The following PPP2CB variants were observed in gnomAD, a reference collection of about 807,000 sequenced individuals.
PPP2CB encodes protein phosphatase 2 catalytic subunit beta.
Under a neutral mutation model 39.1 loss-of-function variants are expected in PPP2CB, and 18 were observed. The observed-to-expected ratio is 0.46, with a 90% CI of 0.32 to 0.68. PPP2CB has a LOEUF of 0.68. Among genes scored for constraint, PPP2CB ranks in the 30% least tolerant of loss-of-function variants. The pLI, the probability that PPP2CB is intolerant of heterozygous loss-of-function variation, is 0.04. For synonymous variants in PPP2CB, 129 were observed against 133.8 expected (o/e 0.96, Z 0.25); for missense variants, 226 against 396.9 (o/e 0.57, Z 3.66).
chr8:30,797,266 C>A (rs1451690599), intron 3 of PPP2CB, among the ~76,000 whole-genome samples: 2 of 152,224 alleles, frequency 1.3e-5, no homozygotes, highest in Non-Finnish European at 2.9e-5. Context: ...TAAATAACAT[C>A]TTGCTTTGCT....
At chr8:30,796,993 G>A (rs551989080) in intron 3 of PPP2CB, among the ~76,000 whole-genome samples, 7 of 151,908 alleles carry the variant, frequency 4.6e-5, no homozygotes, top group Admixed American at 2.6e-4. Context: ...ACAAGCACGC[G>A]CCACTATGCC....
rs776279124 is a variant in PPP2CB at position 30,793,900 on chromosome 8, G to A, written c.738+17C>T. On this transcript the variant is annotated intron_variant, in intron 5 of 6. Transcript: ENST00000221138. ...ACTAATCTGAAATAAAGATCATTCT[G>A]TCAGGAAAGTACATACCTCCATTAC... is the stretch of plus-strand genomic sequence containing the variant. The A allele has an allele frequency of 1.9e-6, 3 of 1,598,688 alleles. No homozygotes were observed. The highest frequency in any genetic ancestry group is 1.1e-5 in the South Asian group (1 of 89,306).
intron 1 of PPP2CB, among the ~76,000 whole-genome samples, chr8:30,802,843 G>A (rs375553453): frequency 2.0e-5 from 3 of 152,278 alleles, no homozygotes; most frequent in Admixed American, 6.5e-5. Flanking sequence ...TATGCTAAAA[G>A]AGAGAAGCCA....
At chr8:30,802,361 T>C (rs1009116849) in intron 1 of PPP2CB, among the ~76,000 whole-genome samples, 5 of 152,186 alleles carry the variant, frequency 3.3e-5, no homozygotes, top group South Asian at 2.1e-4. Context: ...TTTTTGCATA[T>C]GAAGAACATG....
rs1242901108 is a variant in PPP2CB, at chr8:30,797,733, T to C, written c.334A>G (p.Thr112Ala). 3 of 1,613,808 alleles carry C rather than the reference T, an allele frequency of 1.9e-6. No homozygotes were observed. The highest frequency in any genetic ancestry group is 2.5e-6 in the Non-Finnish European group (3 of 1,179,950). The change falls in exon 3 of 7, where the codon ACA (threonine) becomes GCA (alanine). Residue 112 changes from threonine to alanine, a missense_variant. Transcript: ENST00000221138. ...CTTTCGTGATTTCCTCTCAATATTG[T>C]AATGCGTTCTGGATAACGCACCTGG... ...ALKVRYPERI[T>A]ILRGNHESRQ...
chr8:30,791,405 G>T, intron 5 of PPP2CB, 90 bp from the exon 6 acceptor site: 2 of 890,218 alleles, frequency 2.2e-6, no homozygotes, highest in South Asian at 1.5e-5. Context: ...AAAAACTACA[G>T]GTACTCTCTG....
chr8:30,799,700 G>T lies in PPP2CB; in HGVS notation c.158C>A (p.Thr53Asn), dbSNP rs1351114319. 6.2e-7 allele frequency: 1 copy of T among 1,613,916 alleles called. No homozygotes were observed. The highest frequency in any genetic ancestry group is 2.2e-5 in the East Asian group (1 of 44,876). Residue 53 changes from threonine to asparagine, a missense_variant, in exon 2 of 7, where the codon ACT (threonine) becomes AAT (asparagine). Physicochemically the swap from Thr to Asn is moderately conservative, Grantham distance 65. Transcript: ENST00000221138. ...TTGACCATGCACATCTCCACAGACA[G>T]TAACAGGGCAACGAACCTCTTGCAC... ...SNVQEVRCPV[T>N]VCGDVHGQFH...
intron 1 of PPP2CB, among the ~76,000 whole-genome samples, chr8:30,810,855 T>C (rs1266385561): frequency 6.6e-6 from 1 of 152,236 alleles, no homozygotes; most frequent in Non-Finnish European, 1.5e-5. Context: ...AGTGCTCCTT[T>C]TCTAAGTAAA....
intron 5 of PPP2CB, among the ~76,000 whole-genome samples, chr8:30,791,845 T>C (rs1240978058): frequency 6.6e-6 from 1 of 150,914 alleles, no homozygotes; most frequent in Non-Finnish European, 1.5e-5. Context: ...TATACATATG[T>C]ATATATACGT....
Position 30,794,192 on chromosome 8 carries a change from C to G in PPP2CB, c.576G>C (p.Glu192Asp). The G allele has an allele frequency of 6.2e-7, 1 of 1,613,134 alleles. No homozygotes were observed. Among genetic ancestry groups the G allele is most frequent in the Non-Finnish European group, 8.5e-7 (1 of 1,179,564 alleles). ...TTCTTCTTTTTTAAATTAAGTTTAC[C>G]TCATGTGGAACTTCCTGTAAACGAT... is the stretch of plus-strand genomic sequence containing the variant. Reference protein sequence around the residue: ...ALDRLQEVPHEGPMCDLLWSD... With the variant: ...ALDRLQEVPHDGPMCDLLWSD... Residue 192 changes from glutamate to aspartate, a missense_variant and splice_region_variant, in exon 4 of 7, where the codon GAG (glutamate) becomes GAC (aspartate). Physicochemically the swap from Glu to Asp is conservative, Grantham distance 45. Around this residue, in one of 4 missense-constraint regions of PPP2CB, gnomAD observed 110 missense variants for 244.1 expected, o/e 0.45. Transcript: ENST00000221138.
At chr8:30,789,284 C>G (rs1411237996) in intron 6 of PPP2CB, among the ~76,000 whole-genome samples, 1 of 152,188 alleles carries the variant, frequency 6.6e-6, no homozygotes, top group African/African-American at 2.4e-5. Context: ...CCCACCTCGG[C>G]TTCCCAAAGT....
chr8:30,791,868 A>C (rs1316507357), intron 5 of PPP2CB, among the ~76,000 whole-genome samples: 1 of 151,650 alleles, frequency 6.6e-6, no homozygotes, highest in African/African-American at 2.4e-5. Context: ...ATATATGTAT[A>C]TATGTGTGTG....
chr8:30,788,168 G>A (rs561865020), intron 6 of PPP2CB, among the ~76,000 whole-genome samples: 3 of 150,958 alleles, frequency 2.0e-5, no homozygotes, highest in Non-Finnish European at 4.4e-5. Flanking sequence ...TCTAAACCTC[G>A]TTTCATAAGC....
At chr8:30,805,816 TATAACGC>T (rs1201779921) in intron 1 of PPP2CB, among the ~76,000 whole-genome samples, 1 of 152,216 alleles carries the variant, frequency 6.6e-6, no homozygotes, top group Non-Finnish European at 1.5e-5. Flanking sequence ...ATGATGCTAT[TATAACGC>T]AAGTCAGGAA....
intron 4 of PPP2CB, 33 bp from the exon 5 acceptor site, chr8:30,794,111 T>C: frequency 6.2e-7 from 1 of 1,603,452 alleles, no homozygotes; most frequent in East Asian, 2.3e-5. Flanking sequence ...TGTTACAAAT[T>C]ATTATCAGTC....
intron 1 of PPP2CB, among the ~76,000 whole-genome samples, chr8:30,807,548 C>T (rs115185014): frequency 1.2e-4 from 18 of 152,318 alleles, no homozygotes; most frequent in African/African-American, 3.4e-4. Context: ...TTTCTCAATA[C>T]GTACTTTATA....
At chr8:30,808,795 T>C (rs536756245) in intron 1 of PPP2CB, among the ~76,000 whole-genome samples, 1 of 152,352 alleles carries the variant, frequency 6.6e-6, no homozygotes, top group African/African-American at 2.4e-5. Context: ...AGAAAAGGCA[T>C]ATTGGCACAT....
rs1806327990 is a variant in PPP2CB, at chr8:30,785,711, A to C, written c.*524T>G. 4.1e-6 allele frequency: 1 copy of C among 245,382 alleles called. No individual in the cohort carries two copies. 15.2% of individuals were successfully genotyped at this position (245,382 alleles called of 1,614,324 possible). ...TACAGAAATATGCAGATCAACATAAAACAGTAATTTAGTTTAAATGAAGGG... is the reference window on the plus strand; with the variant it reads ...TACAGAAATATGCAGATCAACATAACACAGTAATTTAGTTTAAATGAAGGG... On this transcript the variant is annotated 3_prime_UTR_variant, in exon 7 of 7. Coordinates refer to ENST00000221138, the MANE Select transcript of PPP2CB (RefSeq NM_001009552.2).
In PPP2CB at chr8:30,799,655, A is replaced by T. The variant is rs779502598; in HGVS notation, c.203T>A (p.Leu68His). The stretch of plus-strand genomic sequence containing the variant: ...CGGTGATTTTCCACCAATTCTAAAG[A>T]GTTCCATAAGATCATGAAATTGACC... ...VHGQFHDLME[L>H]FRIGGKSPDT... Residue 68 changes from leucine to histidine, a missense_variant, in exon 2 of 7, where the codon CTC (leucine) becomes CAC (histidine). Leu to His is a moderately conservative substitution (Grantham distance 99, BLOSUM62 -3). This residue lies in a region of PPP2CB where 110 missense variants were observed against 244.1 expected (regional missense o/e 0.45). Coordinates refer to ENST00000221138, the MANE Select transcript of PPP2CB (RefSeq NM_001009552.2). 6.2e-7 allele frequency: 1 copy of T among 1,614,064 alleles called. No homozygotes were observed. The highest frequency in any genetic ancestry group is 8.5e-7 in the Non-Finnish European group (1 of 1,179,882).
Sources: allele counts gnomAD v4.1 joint callset (sites outside exome capture counted in the v4.1 genomes callset), GRCh38; gene constraint gnomAD v4.1.1; regional missense constraint gnomAD v4.1.1; transcripts MANE v1.5; gene names NCBI Gene and HGNC (gene_info 2026-07-23, HGNC 2026-07-21).